Variants in ENOSF1 observed in about 807,000 individuals in gnomAD.
ENOSF1 encodes the protein enolase superfamily member 1.
Under a neutral mutation model 68.2 loss-of-function variants are expected in ENOSF1, and 73 were observed. That is an observed-to-expected ratio of 1.07 (90% CI 0.89 to 1.30). The LOEUF (loss-of-function observed/expected upper bound fraction) is 1.30, where lower values mean the gene tolerates loss of function less well. ENOSF1 is among the 50% of genes most tolerant of loss of function. The pLI, the probability that ENOSF1 is intolerant of heterozygous loss-of-function variation, is 0.00. For synonymous variants in ENOSF1, 223 were observed against 210.4 expected, an observed-to-expected ratio of 1.06 and a Z score of -0.52; for missense variants, 589 against 554.5, an observed-to-expected ratio of 1.06 and a Z score of -0.62.
Position 671,682 on chromosome 18 carries a change from CAG to C in ENOSF1, c.*2621_*2622del, listed in dbSNP as rs1369668506. The C allele has an allele frequency of 1.9e-6, 1 of 535,372 alleles. No individual in the cohort carries two copies. Among genetic ancestry groups the C allele is most frequent in the East Asian group, 3.5e-5 (1 of 28,980 alleles). The allele number at this position is 535,372 out of a possible 1,614,324, so 33.2% of individuals were successfully genotyped here. ...GCTGTGAGGTACTAAGCACCAGTAC[CAG>C]AGAGGGAAGAGCCACATTCAAGCCA... On this transcript the variant is annotated 3_prime_UTR_variant, in exon 16 of 16. Coordinates refer to ENST00000647584, the MANE Select transcript of ENOSF1 (RefSeq NM_017512.7).
chr18:709,345 G>A (rs1326216368), intron 1 of ENOSF1, among the ~76,000 whole-genome samples: 3 of 152,270 alleles, frequency 2.0e-5, no homozygotes, highest in South Asian at 2.1e-4. Flanking sequence ...AAAGGCAGGA[G>A]GCCACGAGGG....
Position 712,537 on chromosome 18 carries a change from G to C in ENOSF1, c.51C>G (p.Pro17=), listed in dbSNP as rs773110217. ...CCGCGCCGTGGCCCCCAAGCGACGT[G>C]GGGAAGCGCACGTCCCGGACCGAGA... is the stretch of plus-strand genomic sequence containing the variant. ...SRLSVRDVRF[P]TSLGGHGADA... Residue 17 remains proline (P), a synonymous_variant, in exon 1 of 16, where the codon CCC becomes CCG. Coordinates refer to ENST00000647584, the MANE Select transcript of ENOSF1 (RefSeq NM_017512.7). 6.5e-7 allele frequency: 1 copy of C among 1,540,218 alleles called. No homozygotes were observed. The highest frequency in any genetic ancestry group is 8.7e-7 in the Non-Finnish European group (1 of 1,146,572).
At chr18:683,094 C>T (rs2741183) in intron 11 of ENOSF1, 152 bp downstream of exon 11, 3 of 887,802 alleles carry the variant, frequency 3.4e-6, no homozygotes, top group Admixed American at 5.7e-5. Flanking sequence ...AGGTCTGTAA[C>T]CCCTGTATTT....
At chr18:706,769 A>G (rs1414181702) in intron 1 of ENOSF1, 191 bp from the exon 2 acceptor site, 1 of 409,846 alleles carries the variant, frequency 2.4e-6, no homozygotes, top group Non-Finnish European at 4.4e-6. Context: ...TCCTCCTGAA[A>G]GATCCAAAAT....
chr18:705,537 T>C (rs561239158), intron 2 of ENOSF1, among the ~76,000 whole-genome samples: 1 of 152,024 alleles, frequency 6.6e-6, no homozygotes, highest in South Asian at 2.1e-4. Context: ...AAAAAAGTTA[T>C]GTTCTGTGTC....
intron 5 of ENOSF1, chr18:693,476 G>A (rs771615909): frequency 4.0e-5 from 39 of 985,048 alleles, no homozygotes; most frequent in Non-Finnish European, 4.3e-5. Flanking sequence ...TGCCTGGCCT[G>A]GATAATATCT....
chr18:695,957 A>G (rs892481440), intron 3 of ENOSF1, among the ~76,000 whole-genome samples: 3 of 152,158 alleles, frequency 2.0e-5, no homozygotes, highest in Non-Finnish European at 4.4e-5. Context: ...TGCCCTTCTC[A>G]GTGCATGGAT....
rs2077041296 is a variant in ENOSF1 at position 690,571 on chromosome 18, T to C, written c.596A>G (p.Tyr199Cys). Reference protein sequence around the residue: ...AYTTSCAWLGYSDDTLKQLCA... With the variant: ...AYTTSCAWLGCSDDTLKQLCA... ...CACCTGCTTCAACGTGTCATCTGAG[T>C]ACCCCAGCCAGGCGCACGATGTCGT... The change falls in exon 8 of 16, where the codon TAC becomes TGC. Residue 199 changes from tyrosine to cysteine, a missense_variant. Transcript: ENST00000647584. 6.2e-7 allele frequency: 1 copy of C among 1,614,114 alleles called. No homozygotes were observed.
chr18:677,310 A>G, intron 14 of ENOSF1, 35 bp downstream of exon 14: 1 of 1,559,364 alleles, frequency 6.4e-7, no homozygotes, highest in South Asian at 1.1e-5. Flanking sequence ...GAGGGACCCT[A>G]CTGAAACAGA....
chr18:707,333 A>G (rs1024906469), intron 1 of ENOSF1, among the ~76,000 whole-genome samples: 2 of 152,216 alleles, frequency 1.3e-5, no homozygotes, highest in Non-Finnish European at 2.9e-5. Flanking sequence ...AAGGGGCTCA[A>G]TTTTAAGCCA....
Position 672,669 on chromosome 18 carries a change from G to C in ENOSF1, c.*1636C>G, listed in dbSNP as rs1010357412. On this transcript the variant is annotated 3_prime_UTR_variant, in exon 16 of 16. Coordinates refer to ENST00000647584, the MANE Select transcript of ENOSF1 (RefSeq NM_017512.7). ...ATGTCACAAAATACCCCTCACTCTCGATCTGTGCAAGAGAACAGCTGGTTG... is the reference window on the plus strand; with the variant it reads ...ATGTCACAAAATACCCCTCACTCTCCATCTGTGCAAGAGAACAGCTGGTTG... 7 of 479,208 alleles carry C rather than the reference G, an allele frequency of 1.5e-5. No homozygotes were observed. Among genetic ancestry groups the C allele is most frequent in the African/African-American group, 1.9e-5 (1 of 52,152 alleles). 29.7% of individuals were successfully genotyped at this position (479,208 alleles called of 1,614,324 possible). A position where few individuals can be genotyped will look rare whatever the true frequency, so the allele number is the denominator to read the frequency against.
chr18:674,422 A>G lies in ENOSF1; in HGVS notation c.1231-16T>C. On this transcript the variant is annotated splice_polypyrimidine_tract_variant and intron_variant, in intron 15 of 15. Coordinates refer to ENST00000647584, the MANE Select transcript of ENOSF1 (RefSeq NM_017512.7). The stretch of plus-strand genomic sequence containing the variant: ...AGCCGGGATCCTATCAAAGACCAAA[A>G]AAATGAGTCCTGTTAACAACCACCT... 1 of 1,553,456 alleles carries G rather than the reference A, an allele frequency of 6.4e-7. No homozygotes were observed. Among genetic ancestry groups the G allele is most frequent in the Non-Finnish European group, 8.8e-7 (1 of 1,133,372 alleles).
rs113683595 is a variant in ENOSF1, at chr18:677,680, A to G, written c.1048+63T>C. 3.8e-5 allele frequency: 60 copies of G among 1,561,510 alleles called. 4 individuals are homozygous for G. The highest frequency in any genetic ancestry group is 3.6e-4 in the African/African-American group (26 of 73,164). ...CCATGCATGTGAATTGCAAACCATC[A>G]AGGGAGGTGTCTGATTAGTGGGGAA... On this transcript the variant is annotated intron_variant, in intron 13 of 15. Transcript: ENST00000647584.
the ENOSF1 span, among the ~76,000 whole-genome samples, chr18:664,651 G>A: frequency 6.9e-6 from 1 of 143,902 alleles, no homozygotes. Context: ...ATTGGCTGTG[G>A]GTTTGTCATA....
chr18:685,634 G>A (rs750336537), intron 10 of ENOSF1, among the ~76,000 whole-genome samples: 2 of 152,118 alleles, frequency 1.3e-5, no homozygotes, highest in African/African-American at 4.8e-5. Flanking sequence ...TTACATGATT[G>A]ACACACCAGA....
intron 9 of ENOSF1, chr18:686,347 G>A (rs779926135): frequency 3.2e-4 from 88 of 272,766 alleles, no homozygotes; most frequent in Non-Finnish European, 4.8e-4. Flanking sequence ...AGAGGAGAGC[G>A]GGGCTGAAAA....
At chr18:709,977 C>T (rs1236314930) in intron 1 of ENOSF1, among the ~76,000 whole-genome samples, 3 of 152,190 alleles carry the variant, frequency 2.0e-5, no homozygotes, top group Non-Finnish European at 4.4e-5. Context: ...ACAACATACA[C>T]CCTATCTCCC....
downstream of ENOSF1, chr18:669,352 G>A (rs1191183102): frequency 2.0e-6 from 1 of 497,854 alleles, no homozygotes; most frequent in Non-Finnish European, 3.6e-6. Context: ...AGATCATGAG[G>A]TTGGGCCCAG....
At chr18:699,258 T>G (rs894690568) in intron 2 of ENOSF1, among the ~76,000 whole-genome samples, 8 of 152,084 alleles carry the variant, frequency 5.3e-5, no homozygotes, top group Non-Finnish European at 1.0e-4. Context: ...GCTCAGGAAT[T>G]TGAGACCAGC....
Sources: allele counts gnomAD v4.1 joint callset (sites outside exome capture counted in the v4.1 genomes callset), GRCh38; gene constraint gnomAD v4.1.1; transcripts MANE v1.5; gene names NCBI Gene and HGNC (gene_info 2026-07-23, HGNC 2026-07-21).